VCP: variants seen among roughly 807,000 people sequenced by gnomAD.
VCP encodes valosin containing protein.
Under a neutral mutation model 85.7 loss-of-function variants are expected in VCP, and 6 were observed. The ratio of observed to expected loss-of-function variants is 0.07; its 90% CI spans 0.04 to 0.14. The LOEUF (loss-of-function observed/expected upper bound fraction) is 0.14. Among genes scored for constraint, VCP ranks in the 10% least tolerant of loss-of-function variants. The pLI, the probability that VCP is intolerant of heterozygous loss-of-function variation, is 1.00. For synonymous variants in VCP, 384 were observed against 367.1 expected (o/e 1.05, Z -0.53); for missense variants, 353 against 1,043.4 (o/e 0.34, Z 9.12).
rs879074973 is a variant in VCP at position 35,072,568 on chromosome 9, TGGCAGC to T, written c.-221_-216del. 3.6e-5 allele frequency: 19 copies of T among 532,124 alleles called. No homozygotes were observed. In the South Asian group the frequency reaches 5.1e-4, roughly 14 times the overall value. 33.0% of individuals were successfully genotyped at this position (532,124 alleles called of 1,614,324 possible). A position where few individuals can be genotyped will look rare whatever the true frequency, so the allele number is the denominator to read the frequency against. On this transcript the variant is annotated 5_prime_UTR_variant, in exon 1 of 17. Transcript: ENST00000358901. ...CTGATCCGCGAGGTGGCAGTGGCAG[TGGCAGC>T]GGCAGCGGCAGCGACGACTCAAACG...
At chr9:35,063,128 C>G (rs375832127) in intron 6 of VCP, 48 bp from the exon 7 acceptor site, 2 of 1,584,538 alleles carry the variant, frequency 1.3e-6, no homozygotes, top group African/African-American at 2.7e-5. Context: ...TCTCCCAAAC[C>G]CTAAAATGGC....
chr9:35,064,129 T>C, intron 6 of VCP, 25 bp downstream of exon 6: 2 of 1,614,026 alleles, frequency 1.2e-6, no homozygotes, highest in Non-Finnish European at 1.7e-6. Flanking sequence ...ACTTTAGACT[T>C]GATTCCAGAG....
intron 3 of VCP, among the ~76,000 whole-genome samples, chr9:35,067,475 C>T (rs2131039928): frequency 6.6e-6 from 1 of 152,278 alleles, no homozygotes; most frequent in East Asian, 1.9e-4. Context: ...TAGCAGCTCA[C>T]CTTCCATGCC....
Position 35,057,438 on chromosome 9 carries a change from G to A in VCP, c.2253C>T (p.Asp751=). The A allele has an allele frequency of 6.2e-7, 1 of 1,614,234 alleles. No individual in the cohort carries two copies. The highest frequency in any genetic ancestry group is 8.5e-7 in the Non-Finnish European group (1 of 1,180,044). ...RFARRSVSDN[D]IRKYEMFAQT... ...GGGCAAACATCTCATACTTCCGAATGTCATTGTCACTGACAGAACGGCGCG... is the reference window on the plus strand; with the variant it reads ...GGGCAAACATCTCATACTTCCGAATATCATTGTCACTGACAGAACGGCGCG... The change falls in exon 16 of 17, where the codon GAC becomes GAT. Residue 751 remains aspartate (D), a synonymous_variant. Coordinates refer to ENST00000358901, the MANE Select transcript of VCP (RefSeq NM_007126.5).
At chr9:35,064,432 TC>T in intron 5 of VCP, 147 bp from the exon 6 acceptor site, 1 of 1,091,082 alleles carries the variant, frequency 9.2e-7, no homozygotes, top group Non-Finnish European at 1.3e-6. Flanking sequence ...ACATCTGTAA[TC>T]CCAGCACTTT....
intron 7 of VCP, 89 bp from the exon 8 acceptor site, chr9:35,062,439 A>C (rs906888721): frequency 6.3e-7 from 1 of 1,597,108 alleles, no homozygotes; most frequent in African/African-American, 1.3e-5. Flanking sequence ...TTTGGCCCAG[A>C]GACAGGTCCT....
At chr9:35,064,678 G>A (rs1374022579) in intron 5 of VCP, among the ~76,000 whole-genome samples, 1 of 152,154 alleles carries the variant, frequency 6.6e-6, no homozygotes, top group Non-Finnish European at 1.5e-5. Context: ...GGAAACCCTG[G>A]GAATGGGCAG....
chr9:35,062,897 G>C, intron 7 of VCP, 81 bp downstream of exon 7: 1 of 1,314,934 alleles, frequency 7.6e-7, no homozygotes, highest in Non-Finnish European at 1.1e-6. Flanking sequence ...GTGCAAAAAG[G>C]ATGTGTTCAT....
At position 35,061,041 on chromosome 9, in the gene VCP, G is replaced by A. The variant is rs1342689862; in HGVS notation, c.1333C>T (p.Leu445=). Residue 445 remains leucine, a synonymous_variant, in exon 11 of 17, where the codon CTA becomes TTA. Transcript: ENST00000358901. ...CGGAAGTCATCCATAGTAACTGCTA[G>A]AGAGTTCATGACCTCGGCATCAATG... ...ETIDAEVMNS[L]AVTMDDFRWA... 4 of 1,614,046 alleles carry A rather than the reference G, an allele frequency of 2.5e-6. No individual in the cohort carries two copies. The highest frequency in any genetic ancestry group is 3.4e-6 in the Non-Finnish European group (4 of 1,180,034).
In VCP at chr9:35,065,726, C is replaced by G. The variant is rs1370304885; in HGVS notation, c.446-345G>C. On this transcript the variant is annotated intron_variant, in intron 4 of 16. Transcript: ENST00000358901. Reference sequence around the variant, plus strand: ...ACCCTGACCCAGCCAAAATGGACCACTTTCTCCTTCAGAGATCCATAAAGA... The same window carrying G: ...ACCCTGACCCAGCCAAAATGGACCAGTTTCTCCTTCAGAGATCCATAAAGA... 2.6e-5 allele frequency among the ~76,000 whole-genome samples: 4 copies of G among 152,140 alleles called. No individual in the cohort carries two copies. The East Asian group carries it at 5.8e-4, about 22-fold the overall frequency.
At position 35,066,806 on chromosome 9, in the gene VCP, C is replaced by T; in HGVS notation, c.314G>A (p.Cys105Tyr). Residue 105 changes from cysteine (C) to tyrosine (Y), a missense_variant, in exon 4 of 17, where the codon TGC becomes TAC. Cys to Tyr is a radical substitution (Grantham distance 194). Coordinates refer to ENST00000358901, the MANE Select transcript of VCP (RefSeq NM_007126.5). ...ACGTTTGCCGTACTTCACATCAGGG[C>T]ATGGCTGGATGCTGAGGATGACAAG... is the stretch of plus-strand genomic sequence containing the variant. ...RLGDVISIQP[C>Y]PDVKYGKRIH... 6.2e-7 allele frequency: 1 copy of T among 1,614,132 alleles called. No homozygotes were observed. The highest frequency in any genetic ancestry group is 8.5e-7 in the Non-Finnish European group (1 of 1,180,026).
At chr9:35,072,003 C>A (rs1828960007) in intron 1 of VCP, 1 of 1,131,444 alleles carries the variant, frequency 8.8e-7, no homozygotes, top group African/African-American at 1.6e-5. Context: ...CGGGGCGCCG[C>A]GCCGGCGGAG....
rs1469248860 is a variant in VCP, at chr9:35,056,280, C to G, written c.*837G>C. ...ACAGTCTTTGGTCAGGATAAGGGAT[C>G]CTGCAGGCCTAGCCTTACCGTCCAC... On this transcript the variant is annotated 3_prime_UTR_variant, in exon 17 of 17. Coordinates refer to ENST00000358901, the MANE Select transcript of VCP (RefSeq NM_007126.5). The G allele has an allele frequency of 6.6e-6, 1 of 152,170 alleles. No homozygotes were observed. The highest frequency in any genetic ancestry group is 6.5e-5 in the Admixed American group (1 of 15,282). 9.4% of individuals were successfully genotyped at this position (152,170 alleles called of 1,614,324 possible). A position where few individuals can be genotyped will look rare whatever the true frequency, so the allele number is the denominator to read the frequency against.
At chr9:35,062,799 C>G (rs899162640) in intron 7 of VCP, among the ~76,000 whole-genome samples, 179 bp downstream of exon 7, 1 of 152,102 alleles carries the variant, frequency 6.6e-6, no homozygotes, top group African/African-American at 2.4e-5. Flanking sequence ...CAGGGAGCAC[C>G]AATGTAAAAT....
At chr9:35,071,165 CTT>C (rs2131044818) in intron 1 of VCP, among the ~76,000 whole-genome samples, 1 of 151,924 alleles carries the variant, frequency 6.6e-6, no homozygotes, top group Non-Finnish European at 1.5e-5. Flanking sequence ...ATAAGTGACT[CTT>C]TTAAATAAGC....
intron 15 of VCP, 142 bp downstream of exon 15, chr9:35,058,922 T>A: frequency 8.7e-7 from 1 of 1,153,480 alleles, no homozygotes; most frequent in Non-Finnish European, 1.3e-6. Context: ...CACCTCAGCA[T>A]TCTTTATCTT....
chr9:35,057,717 A>G (rs1828638838), intron 15 of VCP, 187 bp from the exon 16 acceptor site: 1 of 725,812 alleles, frequency 1.4e-6, no homozygotes, highest in South Asian at 1.6e-5. Context: ...CACTCTGGAA[A>G]AGGGAAAACT....
chr9:35,066,298 G>A (rs1828829312), intron 4 of VCP, among the ~76,000 whole-genome samples: 1 of 140,554 alleles, frequency 7.1e-6, no homozygotes, highest in Non-Finnish European at 1.5e-5. Flanking sequence ...GTCTTGCTCT[G>A]TCACCCAGGC....
chr9:35,065,395 C>T lies in VCP; in HGVS notation c.446-14G>A, dbSNP rs758972118. The T allele has an allele frequency of 6.2e-7, 1 of 1,614,094 alleles. No individual in the cohort carries two copies. The highest frequency in any genetic ancestry group is 1.7e-5 in the Admixed American group (1 of 60,018). On this transcript the variant is annotated splice_polypyrimidine_tract_variant and intron_variant, in intron 4 of 16. Transcript: ENST00000358901. ...GAAAAATGTCTCCTGCGAGAGCAAA[C>T]AGTACAAGCACAGTTAGAGGTGTCA...
Sources: gnomAD v4.1 joint callset for allele counts (sites outside exome capture counted in the v4.1 genomes callset) on GRCh38, gnomAD v4.1.1 for gene constraint, MANE v1.5 for transcripts, NCBI Gene and HGNC (gene_info 2026-07-23, HGNC 2026-07-21) for gene names.